Variants in DNAH7 observed in about 807,000 individuals in gnomAD.
The protein encoded by DNAH7 is axonemal beta dynein heavy chain 7.
DNAH7 carries 397 observed loss-of-function variants against 444.6 expected under a neutral mutation model. The ratio of observed to expected loss-of-function variants is 0.89; its 90% CI spans 0.82 to 0.97. The LOEUF (loss-of-function observed/expected upper bound fraction) is 0.97, where lower values mean the gene tolerates loss of function less well. DNAH7 is among the 50% of genes least tolerant of loss of function. DNAH7 has a pLI of 0.00. For missense variants in DNAH7, 4,902 were observed against 4,800.8 expected (o/e 1.02, Z -0.62); for synonymous variants, 1,636 against 1,624.4 (o/e 1.01, Z -0.17).
intron 48 of DNAH7, among the ~76,000 whole-genome samples, chr2:195,827,996 C>T (rs747615503): frequency 1.3e-5 from 2 of 152,132 alleles, no homozygotes; most frequent in Non-Finnish European, 2.9e-5. Flanking sequence ...GATATAACTA[C>T]CAATCATCCT....
intron 5 of DNAH7, among the ~76,000 whole-genome samples, chr2:196,038,611 AG>A (rs1696538645): frequency 6.6e-6 from 1 of 152,222 alleles, no homozygotes; most frequent in African/African-American, 2.4e-5. Flanking sequence ...TCACCTGTAA[AG>A]GTACACCTAC....
intron 2 of DNAH7, among the ~76,000 whole-genome samples, chr2:196,054,718 G>A (rs79318979): frequency 0.047 from 7,093 of 152,192 alleles, 230 homozygotes; most frequent in Non-Finnish European, 0.073. Flanking sequence ...GGAGGGACCT[G>A]GGTGGGAGGT....
At chr2:196,024,379 T>C (rs753359698) in intron 8 of DNAH7, 50 bp downstream of exon 8, 6 of 1,233,604 alleles carry the variant, frequency 4.9e-6, no homozygotes, top group South Asian at 3.2e-5. Flanking sequence ...TATAAACATA[T>C]ACAGAAATGG....
rs150085513 is a variant in DNAH7, at chr2:195,812,309, C to T, written c.9762-2438G>A. Among the ~76,000 whole-genome samples, 458 of 152,270 alleles carry T rather than the reference C, an allele frequency of 3.0e-3. 3 individuals are homozygous for T. The highest frequency in any genetic ancestry group is 0.011 in the African/African-American group (439 of 41,560). On this transcript the variant is annotated intron_variant, in intron 51 of 64. Transcript: ENST00000312428. The stretch of plus-strand genomic sequence containing the variant: ...TGTGGCTGGCCTCACATCAGTTAAA[C>T]TCTTTCTTTATCACAATGTCATGGT...
intron 17 of DNAH7, among the ~76,000 whole-genome samples, chr2:195,963,992 T>C (rs1480916588): frequency 6.6e-6 from 1 of 152,346 alleles, no homozygotes; most frequent in East Asian, 1.9e-4. Flanking sequence ...GCCAGTACCA[T>C]GCTGCTTTGG....
At position 195,872,412 on chromosome 2, in the gene DNAH7, C is replaced by G. The variant is rs377546561; in HGVS notation, c.6471G>C (p.Met2157Ile). The G allele has an allele frequency of 2.5e-6, 4 of 1,612,590 alleles. No individual in the cohort carries two copies. The highest frequency in any genetic ancestry group is 1.7e-5 in the Admixed American group (1 of 59,966). Residue 2157 changes from methionine (M) to isoleucine (I), a missense_variant, in exon 40 of 65, where the codon ATG (methionine) becomes ATC (isoleucine). Coordinates refer to ENST00000312428, the MANE Select transcript of DNAH7 (RefSeq NM_018897.3). ...TCTTCATTGCTTCTTTATACAGAGT[C>G]ATTGTGCCATTTACGATTTGTGTGG... ...DLTTQIVNGT[M>I]TLYKEAMKNL...
Position 195,817,067 on chromosome 2 carries a change from G to A in DNAH7, c.9426-104C>T, listed in dbSNP as rs537525171. 1.3e-4 allele frequency: 104 copies of A among 806,880 alleles called. No individual in the cohort carries two copies. The African/African-American group carries it at 1.5e-3, about 11-fold the overall frequency. 50.0% of individuals were successfully genotyped at this position (806,880 alleles called of 1,614,324 possible). On this transcript the variant is annotated intron_variant, in intron 50 of 64. Coordinates refer to ENST00000312428, the MANE Select transcript of DNAH7 (RefSeq NM_018897.3). ...CAAAGAACTTGTAACCTAAAGAAAT[G>A]CATCACTTTGTGACAAATATCTGTA...
At chr2:196,067,696 A>C (rs1035140031) in intron 1 of DNAH7, among the ~76,000 whole-genome samples, 1 of 152,214 alleles carries the variant, frequency 6.6e-6, no homozygotes, top group African/African-American at 2.4e-5. Context: ...TAGGAGACTA[A>C]ATCCGTTTTA....
intron 58 of DNAH7, 71 bp downstream of exon 58, chr2:195,786,939 C>G (rs1695650840): frequency 2.1e-6 from 3 of 1,435,158 alleles, no homozygotes; most frequent in Admixed American, 5.0e-5. Flanking sequence ...GAAGTGCCCA[C>G]TTACTATAAC....
intron 2 of DNAH7, among the ~76,000 whole-genome samples, chr2:196,057,549 T>C (rs1301607409): frequency 1.3e-5 from 2 of 152,216 alleles, no homozygotes; most frequent in Non-Finnish European, 2.9e-5. Context: ...TATGAATAAG[T>C]ACACAATTAA....
intron 54 of DNAH7, among the ~76,000 whole-genome samples, chr2:195,804,439 G>A (rs1470991171): frequency 6.6e-6 from 1 of 152,184 alleles, no homozygotes; most frequent in Non-Finnish European, 1.5e-5. Flanking sequence ...GGACATGAGT[G>A]TGGAGGTGTC....
rs895509264 is a variant in DNAH7 at position 196,016,186 on chromosome 2, A to G, written c.869+2984T>C. Among the ~76,000 whole-genome samples, 5 of 152,300 alleles carry G rather than the reference A, an allele frequency of 3.3e-5. No individual in the cohort carries two copies. In the East Asian group the frequency reaches 9.6e-4, roughly 29 times the overall value. ...AGCATTTTATGGACAGTAGTAGGTC[A>G]TGGAGTCCCATCCTTCAGTGTCCAG... On this transcript the variant is annotated intron_variant, in intron 9 of 64. Coordinates refer to ENST00000312428, the MANE Select transcript of DNAH7 (RefSeq NM_018897.3).
rs371393632 is a variant in DNAH7 at position 195,816,884 on chromosome 2, T to C, written c.9505A>G (p.Ile3169Val). 9.3e-6 allele frequency: 15 copies of C among 1,614,036 alleles called. No homozygotes were observed. The highest frequency in any genetic ancestry group is 6.7e-5 in the Admixed American group (4 of 60,006). Residue 3169 changes from isoleucine (I) to valine (V), a missense_variant, in exon 51 of 65, where the codon ATT (isoleucine) becomes GTT (valine). By Grantham distance (29) the Ile-to-Val change is conservative. Transcript: ENST00000312428. ...GCCTTGGAGGAAGATAATATCTTAA[T>C]AGCAGTTTCATCTTCTAATATATTG... is the stretch of plus-strand genomic sequence containing the variant. ...EGNILEDETA[I>V]KILSSSKALA...
chr2:195,740,723 TATAAA>T (rs147122074), intron 64 of DNAH7, 38 bp downstream of exon 64: 76,334 of 882,708 alleles, frequency 0.086, 3,663 homozygotes, highest in African/African-American at 0.13. Flanking sequence ...ATAAAATATG[TATAAA>T]ATAATTCCAC....
chr2:195,793,989 T>C (rs1281821731), intron 57 of DNAH7, among the ~76,000 whole-genome samples: 1 of 152,186 alleles, frequency 6.6e-6, no homozygotes, highest in Non-Finnish European at 1.5e-5. Context: ...TTTAGAGACA[T>C]GGCTCTAAAT....
At chr2:195,849,421 A>T (rs1448367421) in intron 46 of DNAH7, among the ~76,000 whole-genome samples, 1 of 152,182 alleles carries the variant, frequency 6.6e-6, no homozygotes, top group Non-Finnish European at 1.5e-5. Context: ...GGAGGTGAAG[A>T]TCATAGGGGC....
Position 195,906,723 on chromosome 2 carries a change from C to T in DNAH7, c.4271G>A (p.Cys1424Tyr), listed in dbSNP as rs748356315. 5.6e-6 allele frequency: 9 copies of T among 1,613,364 alleles called. No individual in the cohort carries two copies. Among genetic ancestry groups the T allele is most frequent in the Non-Finnish European group, 7.6e-6 (9 of 1,179,610 alleles). ...EGTELKLDPT[C>Y]AVFITMNPGY... ...AGGGTTCATTGTTATAAAGACAGCA[C>T]ATGTGGGGTCAAGTTTTAGTTCAGT... The change falls in exon 27 of 65, where the codon TGT becomes TAT. Residue 1424 changes from cysteine to tyrosine, a missense_variant. Physicochemically the swap from Cys to Tyr is radical, Grantham distance 194. Transcript: ENST00000312428.
intron 63 of DNAH7, among the ~76,000 whole-genome samples, chr2:195,744,991 C>G (rs989958629): frequency 6.6e-6 from 1 of 152,240 alleles, no homozygotes. Flanking sequence ...AGCAACGGAA[C>G]AGAGCTGGAC....
At chr2:196,030,082 G>A (rs1695951523) in intron 5 of DNAH7, among the ~76,000 whole-genome samples, 1 of 152,176 alleles carries the variant, frequency 6.6e-6, no homozygotes, top group Non-Finnish European at 1.5e-5. Flanking sequence ...TGTTGATAAA[G>A]ACATACCTGA....
Sources: gnomAD v4.1 joint callset for allele counts (sites outside exome capture counted in the v4.1 genomes callset) on GRCh38, gnomAD v4.1.1 for gene constraint, MANE v1.5 for transcripts, NCBI Gene and HGNC (gene_info 2026-07-23, HGNC 2026-07-21) for gene names.